AMBP: variants seen among roughly 807,000 people sequenced by gnomAD.
The protein encoded by AMBP is alpha-1-microglobulin/bikunin precursor.
Under a neutral mutation model 46.3 loss-of-function variants are expected in AMBP, and 37 were observed. The observed-to-expected ratio is 0.80, with a 90% confidence interval of 0.61 to 1.05. The LOEUF is 1.05. Ranked by LOEUF, AMBP falls within the 50% of genes least tolerant of loss-of-function variation. AMBP has a pLI of 0.00. For synonymous variants in AMBP, 174 were observed against 175.9 expected (o/e 0.99, Z 0.09); for missense variants, 475 against 461.2 (o/e 1.03, Z -0.27).
rs200949333 is a variant in AMBP at position 114,061,095 on chromosome 9, G to C, written c.857C>G (p.Ala286Gly). The C allele has an allele frequency of 3.1e-6, 5 of 1,613,862 alleles. No individual in the cohort carries two copies. The highest frequency in any genetic ancestry group is 1.1e-5 in the South Asian group (1 of 91,034). Reference sequence around the variant, plus strand: ...GCCCCGGACTATGGGGAGATTGCAGGCCGCTGTGGAGTGGAGAGAGGCATG... The same window carrying C: ...GCCCCGGACTATGGGGAGATTGCAGCCCGCTGTGGAGTGGAGAGAGGCATG... ...ECLQTCRTVA[A>G]CNLPIVRGPC... The change falls in exon 9 of 10, where the codon GCC becomes GGC. Residue 286 changes from alanine (A) to glycine (G), a missense_variant. Ala to Gly is a moderately conservative substitution (Grantham distance 60). This residue lies in a region of AMBP where 293 missense variants were observed against 276.9 expected (regional missense o/e 1.06). Coordinates refer to ENST00000265132, the MANE Select transcript of AMBP (RefSeq NM_001633.4).
intron 3 of AMBP, 84 bp downstream of exon 3, chr9:114,074,876 G>A (rs746000339): frequency 8.1e-7 from 1 of 1,239,438 alleles, no homozygotes. Context: ...GGGAGGAAAG[G>A]TTACAGAGGC....
At chr9:114,075,123 T>C in intron 2 of AMBP, 87 bp from the exon 3 acceptor site, 1 of 1,093,062 alleles carries the variant, frequency 9.1e-7, no homozygotes, top group Admixed American at 2.3e-5. Flanking sequence ...TCTTTCCAAA[T>C]GCCTTGGTTT....
intron 5 of AMBP, chr9:114,069,961 C>T (rs1846727821): frequency 3.5e-6 from 2 of 571,330 alleles, no homozygotes; most frequent in Non-Finnish European, 6.2e-6. Context: ...TCCACTCCAC[C>T]CCACCCCACT....
intron 5 of AMBP, 103 bp from the exon 6 acceptor site, chr9:114,069,848 T>C: frequency 7.9e-7 from 1 of 1,263,656 alleles, no homozygotes; most frequent in Non-Finnish European, 1.1e-6. Context: ...TGGGAACTTG[T>C]CGTGCCTTAG....
At chr9:114,073,658 C>T (rs2134854744) in intron 4 of AMBP, among the ~76,000 whole-genome samples, 1 of 152,108 alleles carries the variant, frequency 6.6e-6, no homozygotes, top group Non-Finnish European at 1.5e-5. Flanking sequence ...TGCACTATGC[C>T]CAGCTAATTC....
intron 1 of AMBP, 149 bp from the exon 2 acceptor site, chr9:114,076,889 C>T: frequency 3.8e-6 from 4 of 1,059,954 alleles, no homozygotes; most frequent in Non-Finnish European, 5.3e-6. Flanking sequence ...TGTCTTACAA[C>T]TAATCAGAGG....
chr9:114,061,152 G>T, intron 8 of AMBP, 54 bp from the exon 9 acceptor site: 1 of 1,588,552 alleles, frequency 6.3e-7, no homozygotes, highest in South Asian at 1.1e-5. Flanking sequence ...CTGCTGATCA[G>T]ACATACATGA....
chr9:114,060,383 A>C, intron 9 of AMBP, 113 bp from the exon 10 acceptor site: 4 of 1,136,062 alleles, frequency 3.5e-6, no homozygotes, highest in Non-Finnish European at 3.8e-6. Context: ...TTTATCTCCA[A>C]AGGGTATTCC....
intron 7 of AMBP, among the ~76,000 whole-genome samples, chr9:114,061,837 C>T (rs905578686): frequency 6.6e-5 from 10 of 152,100 alleles, no homozygotes; most frequent in African/African-American, 2.4e-4. Flanking sequence ...TACCAGTGAA[C>T]CACAGGCCCA....
intron 3 of AMBP, 80 bp downstream of exon 3, chr9:114,074,880 C>CAG (rs1264369469): frequency 7.8e-6 from 10 of 1,274,900 alleles, no homozygotes; most frequent in Non-Finnish European, 1.0e-5. Context: ...GGAAAGGTTA[C>CAG]AGAGGCAGAG....
intron 9 of AMBP, 64 bp downstream of exon 9, chr9:114,060,861 G>A: frequency 1.3e-6 from 2 of 1,556,470 alleles, no homozygotes; most frequent in African/African-American, 1.4e-5. Flanking sequence ...ACTCCTCCCA[G>A]GGCTCTCCCA....
Position 114,062,777 on chromosome 9 carries a change from G to C in AMBP, c.604-19C>G, listed in dbSNP as rs749993848. ...GGACTCTCTGCGGGGGAGAGAAAGA[G>C]AAGAAGCAGTTGCAGACTCCTTGCC... is the stretch of plus-strand genomic sequence containing the variant. On this transcript the variant is annotated intron_variant, in intron 6 of 9. Coordinates refer to ENST00000265132, the MANE Select transcript of AMBP (RefSeq NM_001633.4). 3 of 1,613,042 alleles carry C rather than the reference G, an allele frequency of 1.9e-6. No individual in the cohort carries two copies. The Admixed American group carries it at 5.0e-5, about 27-fold the overall frequency.
chr9:114,061,191 C>G, intron 8 of AMBP, 93 bp from the exon 9 acceptor site: 2 of 1,483,592 alleles, frequency 1.3e-6, no homozygotes, highest in Non-Finnish European at 1.8e-6. Context: ...CCCTGCTCAT[C>G]TAGAACACCT....
chr9:114,062,767 G>A lies in AMBP; in HGVS notation c.604-9C>T. On this transcript the variant is annotated splice_polypyrimidine_tract_variant and intron_variant, in intron 6 of 9. Transcript: ENST00000265132. The stretch of plus-strand genomic sequence containing the variant: ...ACAGCCCTCCGGACTCTCTGCGGGG[G>A]AGAGAAAGAGAAGAAGCAGTTGCAG... 1 of 1,613,650 alleles carries A rather than the reference G, an allele frequency of 6.2e-7. No individual in the cohort carries two copies. Among genetic ancestry groups the A allele is most frequent in the Non-Finnish European group, 8.5e-7 (1 of 1,179,604 alleles).
chr9:114,066,376 C>CGTGTGTGTGTGTGTGTGTGTGTGT (rs55940547), intron 6 of AMBP, among the ~76,000 whole-genome samples: 215 of 141,274 alleles, frequency 1.5e-3, no homozygotes, highest in Middle Eastern at 7.1e-3. Flanking sequence ...TTTATGTGCA[C>CGTGTGTGTGTGTGTGTGTGTGTGT]GTGTGTGTGT....
Position 114,061,601 on chromosome 9 carries a change from G to A in AMBP, c.686-10C>T, listed in dbSNP as rs1223860371. 3 of 1,588,680 alleles carry A rather than the reference G, an allele frequency of 1.9e-6. 1 individual carries two copies. The South Asian group carries it at 3.4e-5, about 18-fold the overall frequency. ...CCCAGCTGGCAGGAATCTAGGGAGGGGCAGACCAGCAGCACTGACCAAGTG... is the reference window on the plus strand; with the variant it reads ...CCCAGCTGGCAGGAATCTAGGGAGGAGCAGACCAGCAGCACTGACCAAGTG... On this transcript the variant is annotated splice_polypyrimidine_tract_variant and intron_variant, in intron 7 of 9. Coordinates refer to ENST00000265132, the MANE Select transcript of AMBP (RefSeq NM_001633.4).
intron 2 of AMBP, among the ~76,000 whole-genome samples, chr9:114,076,361 A>G (rs1846806982): frequency 6.6e-6 from 1 of 151,960 alleles, no homozygotes; most frequent in African/African-American, 2.4e-5. Context: ...GGGCTAAGGA[A>G]TGCCCAAGGG....
intron 4 of AMBP, 97 bp from the exon 5 acceptor site, chr9:114,073,123 A>T (rs1588491102): frequency 9.4e-7 from 1 of 1,063,402 alleles, no homozygotes; most frequent in East Asian, 2.6e-5. Context: ...CTTAGGGAAA[A>T]TTTGAAAACT....
At chr9:114,068,127 T>C (rs895876502) in intron 6 of AMBP, among the ~76,000 whole-genome samples, 1 of 152,218 alleles carries the variant, frequency 6.6e-6, no homozygotes, top group Non-Finnish European at 1.5e-5. Context: ...GGAGTGCTCC[T>C]GTCTGTCTTT....
Sources: allele counts gnomAD v4.1 joint callset (sites outside exome capture counted in the v4.1 genomes callset), GRCh38; gene constraint gnomAD v4.1.1; regional missense constraint gnomAD v4.1.1; transcripts MANE v1.5; gene names NCBI Gene and HGNC (gene_info 2026-07-23, HGNC 2026-07-21).